Variants in PLOD2 observed in about 807,000 individuals in gnomAD.
PLOD2 encodes lysine hydroxylase 2.
A neutral mutation model predicts 101.0 loss-of-function variants in PLOD2; 65 were observed. The ratio of observed to expected loss-of-function variants is 0.64; its 90% confidence interval spans 0.53 to 0.79. PLOD2 has a LOEUF of 0.79. Ranked by LOEUF, PLOD2 falls within the 30% of genes least tolerant of loss-of-function variation. PLOD2 has a pLI of 0.00. For missense variants in PLOD2, 909 were observed against 914.6 expected (o/e 0.99, Z 0.08); for synonymous variants, 314 against 302.9 (o/e 1.04, Z -0.38).
chr3:146,083,036 A>T (rs1430194145), intron 11 of PLOD2, among the ~76,000 whole-genome samples: 1 of 152,250 alleles, frequency 6.6e-6, no homozygotes. Context: ...AAATAATAAC[A>T]TGAATTAGAA....
intron 1 of PLOD2, among the ~76,000 whole-genome samples, chr3:146,156,070 C>T (rs1219091518): frequency 1.3e-5 from 2 of 152,200 alleles, no homozygotes; most frequent in Admixed American, 6.5e-5. Flanking sequence ...GAGAACACTA[C>T]TTACACCAAA....
At chr3:146,084,312 A>G (rs1315192491) in intron 11 of PLOD2, among the ~76,000 whole-genome samples, 1 of 152,040 alleles carries the variant, frequency 6.6e-6, no homozygotes, top group East Asian at 1.9e-4. Flanking sequence ...GTTGCTACAG[A>G]GAGGTCTTAG....
chr3:146,122,418 A>G (rs1461640013), intron 2 of PLOD2, among the ~76,000 whole-genome samples: 1 of 152,194 alleles, frequency 6.6e-6, no homozygotes, highest in Non-Finnish European at 1.5e-5. Context: ...TACTCTGTGC[A>G]ATACACCATG....
At chr3:146,089,203 A>C (rs920397984) in intron 8 of PLOD2, among the ~76,000 whole-genome samples, 1 of 151,484 alleles carries the variant, frequency 6.6e-6, no homozygotes, top group African/African-American at 2.4e-5. Flanking sequence ...TCATTATTAT[A>C]TTATGTATAA....
chr3:146,091,745 TTCATGACAATG>T (rs1936975329), intron 8 of PLOD2, 44 bp downstream of exon 8: 7 of 997,396 alleles, frequency 7.0e-6, no homozygotes, highest in Admixed American at 5.1e-5. Flanking sequence ...ATCACAGTAT[TTCATGACAATG>T]TACTTTCTAT....
At chr3:146,139,040 G>C (rs1384593817) in intron 1 of PLOD2, among the ~76,000 whole-genome samples, 2 of 152,124 alleles carry the variant, frequency 1.3e-5, no homozygotes, top group South Asian at 2.1e-4. Context: ...GCTATCACAG[G>C]AGAGGCCAAG....
chr3:146,159,820 AAGAT>A (rs2032484035), intron 1 of PLOD2, among the ~76,000 whole-genome samples: 1 of 152,238 alleles, frequency 6.6e-6, no homozygotes, highest in Admixed American at 6.5e-5. Context: ...GTTTTGTAGA[AAGAT>A]AGGCAGTTCA....
chr3:146,071,488 A>AT (rs908373658), intron 17 of PLOD2, 65 bp from the exon 18 acceptor site: 38 of 1,467,510 alleles, frequency 2.6e-5, no homozygotes, highest in Non-Finnish European at 3.1e-5. Flanking sequence ...ATATTATAGT[A>AT]TTTTTTTTCA....
At chr3:146,076,973 AGAT>A in intron 14 of PLOD2, 78 bp from the exon 15 acceptor site, 2 of 1,265,562 alleles carry the variant, frequency 1.6e-6, no homozygotes, top group Non-Finnish European at 2.2e-6. Flanking sequence ...AATATATAGA[AGAT>A]ATTAATTTCT....
At chr3:146,113,357 A>C (rs1937738684) in intron 3 of PLOD2, among the ~76,000 whole-genome samples, 2 of 152,326 alleles carry the variant, frequency 1.3e-5, no homozygotes, top group South Asian at 4.1e-4. Flanking sequence ...AGGGCAAGGA[A>C]GGTTTCCTAC....
At chr3:146,159,068 C>CACA (rs1437890474) in intron 1 of PLOD2, among the ~76,000 whole-genome samples, 1 of 152,176 alleles carries the variant, frequency 6.6e-6, no homozygotes, top group Non-Finnish European at 1.5e-5. Context: ...ATTAGTTTAT[C>CACA]ACATAACCTA....
At chr3:146,073,177 C>T in intron 16 of PLOD2, 110 bp downstream of exon 16, 2 of 537,638 alleles carry the variant, frequency 3.7e-6, no homozygotes, top group South Asian at 2.6e-5. Context: ...TAAATTTTAC[C>T]TAAAAGGTAG....
At chr3:146,141,322 T>C (rs759711905) in intron 1 of PLOD2, among the ~76,000 whole-genome samples, 1 of 152,104 alleles carries the variant, frequency 6.6e-6, no homozygotes, top group African/African-American at 2.4e-5. Flanking sequence ...TTAAACTGCA[T>C]ACATTCCCCA....
In PLOD2 at chr3:146,106,573, G is replaced by GATC. The variant is rs752976473; in HGVS notation, c.571_573dup (p.Asp191dup). ...ATGTAAACTTTAGTGTAAAAGAGCTGATCATCATCATTATCCTGGAGATTC... is the reference window on the plus strand; with the variant it reads ...ATGTAAACTTTAGTGTAAAAGAGCTGATCATCATCATCATTATCCTGGAGATTC... On this transcript the variant is annotated inframe_insertion, in exon 5 of 20. Transcript: ENST00000282903. 1.0e-5 allele frequency: 16 copies of GATC among 1,592,984 alleles called. No homozygotes were observed. In the South Asian group the frequency reaches 1.5e-4, roughly 15 times the overall value.
intron 1 of PLOD2, among the ~76,000 whole-genome samples, chr3:146,157,087 A>G (rs1342434904): frequency 6.6e-6 from 1 of 152,208 alleles, no homozygotes; most frequent in Admixed American, 6.5e-5. Context: ...CATGTAGCAT[A>G]TGGGTTCCCA....
At chr3:146,154,762 TA>T (rs2032223134) in intron 1 of PLOD2, among the ~76,000 whole-genome samples, 1 of 152,176 alleles carries the variant, frequency 6.6e-6, no homozygotes, top group Non-Finnish European at 1.5e-5. Flanking sequence ...TTTATTTTCC[TA>T]AATCTGCCAC....
intron 1 of PLOD2, among the ~76,000 whole-genome samples, chr3:146,158,684 T>C (rs1030655116): frequency 1.5e-4 from 22 of 150,620 alleles, no homozygotes; most frequent in African/African-American, 5.4e-4. Flanking sequence ...TTTTTGGTGC[T>C]CAGATTAGAA....
At chr3:146,099,941 G>C (rs1489932183) in intron 7 of PLOD2, among the ~76,000 whole-genome samples, 1 of 144,516 alleles carries the variant, frequency 6.9e-6, no homozygotes, top group Non-Finnish European at 1.5e-5. Context: ...GGAGAGTAAT[G>C]GCGTGATCTT....
At chr3:146,155,257 C>T (rs1304081589) in intron 1 of PLOD2, among the ~76,000 whole-genome samples, 3 of 152,030 alleles carry the variant, frequency 2.0e-5, no homozygotes, top group South Asian at 2.1e-4. Context: ...CCAGCAGTTT[C>T]AGGCTGTAGT....
Sources: gnomAD v4.1 joint callset for allele counts (sites outside exome capture counted in the v4.1 genomes callset) on GRCh38, gnomAD v4.1.1 for gene constraint, MANE v1.5 for transcripts, NCBI Gene and HGNC (gene_info 2026-07-23, HGNC 2026-07-21) for gene names.